SKIC2: variants seen among roughly 807,000 people sequenced by gnomAD.
SKIC2 encodes SKI2 subunit of superkiller complex, also known as superkiller complex protein 2.
At chr6:31,967,015 G>C in the SKIC2 span, 1 of 1,613,022 alleles carries the variant, frequency 6.2e-7, no homozygotes, top group Non-Finnish European at 8.5e-7. The surrounding 1 kb of genome is among the most constrained non-coding windows in gnomAD (Gnocchi z 4.9). Context: ...CCCATGAACA[G>C]GCCCTGGCTG....
the SKIC2 span, chr6:31,966,772 C>G: frequency 6.2e-7 from 1 of 1,614,090 alleles, no homozygotes; most frequent in Non-Finnish European, 8.5e-7. This position sits in a 1 kb window ranked among gnomAD's most constrained non-coding sequence, Gnocchi z 5.9. Flanking sequence ...CAACTTGCTG[C>G]GAGTGGATGC....
the SKIC2 span, chr6:31,969,675 G>A: frequency 1.7e-5 from 27 of 1,606,774 alleles, no homozygotes; most frequent in African/African-American, 2.3e-4. The surrounding 1 kb of genome is among the most constrained non-coding windows in gnomAD (Gnocchi z 6.1). Flanking sequence ...ACCTTGCTAC[G>A]GCGGGACATC....
the SKIC2 span, chr6:31,960,447 A>G: frequency 1.9e-6 from 3 of 1,614,048 alleles, no homozygotes; most frequent in Non-Finnish European, 2.5e-6. Context: ...GCTGGAGAAC[A>G]CAAATCTCTC....
the SKIC2 span, chr6:31,968,902 C>T: frequency 0.14 from 230,429 of 1,612,372 alleles, 19,202 homozygotes; most frequent in African/African-American, 0.34. The surrounding 1 kb of genome is among the most constrained non-coding windows in gnomAD (Gnocchi z 6.1). Context: ...GTGGACGAGG[C>T]GGGCACTGTG....
At chr6:31,962,132 T>C in the SKIC2 span, 1 of 1,422,818 alleles carries the variant, frequency 7.0e-7, no homozygotes, top group Middle Eastern at 1.9e-4. This position sits in a 1 kb window ranked among gnomAD's most constrained non-coding sequence, Gnocchi z 5.0. Context: ...TCTCATCTCT[T>C]CCCCCACCTC....
At chr6:31,965,768 TCTC>T in the SKIC2 span, 10 of 1,524,764 alleles carry the variant, frequency 6.6e-6, no homozygotes, top group African/African-American at 9.6e-5. The surrounding 1 kb of genome is among the most constrained non-coding windows in gnomAD (Gnocchi z 5.6). Context: ...TCCTTTCTGT[TCTC>T]CTCTGTCCCA....
At chr6:31,961,873 C>T in the SKIC2 span, 1 of 1,609,548 alleles carries the variant, frequency 6.2e-7, no homozygotes. Context: ...GGCCCCGCTC[C>T]TTTCTTCAGC....
At chr6:31,966,055 C>T in the SKIC2 span, 12 of 1,277,808 alleles carry the variant, frequency 9.4e-6, no homozygotes, top group Admixed American at 2.6e-4. This position sits in a 1 kb window ranked among gnomAD's most constrained non-coding sequence, Gnocchi z 5.9. Flanking sequence ...AGCTCCAGGA[C>T]CTTGCTGGAT....
At chr6:31,965,811 T>G in the SKIC2 span, 1 of 1,611,996 alleles carries the variant, frequency 6.2e-7, no homozygotes, top group Non-Finnish European at 8.5e-7. The surrounding 1 kb of genome is among the most constrained non-coding windows in gnomAD (Gnocchi z 5.6). Context: ...ACCTTTGCCA[T>G]GGGAGTAAAC....
At chr6:31,964,748 T>C in the SKIC2 span, among the ~76,000 whole-genome samples, 1 of 152,096 alleles carries the variant, frequency 6.6e-6, no homozygotes, top group Non-Finnish European at 1.5e-5. This position sits in a 1 kb window ranked among gnomAD's most constrained non-coding sequence, Gnocchi z 5.0. Context: ...GCCAGAGATA[T>C]AGGAGGTTGT....
At chr6:31,959,424 T>C in the SKIC2 span, 2 of 1,533,644 alleles carry the variant, frequency 1.3e-6, no homozygotes, top group African/African-American at 1.4e-5. Context: ...GACCCTAACC[T>C]TTGACCCGCA....
chr6:31,965,487 C>T, the SKIC2 span, among the ~76,000 whole-genome samples: 3 of 152,076 alleles, frequency 2.0e-5, no homozygotes, highest in African/African-American at 7.2e-5. The surrounding 1 kb of genome is among the most constrained non-coding windows in gnomAD (Gnocchi z 5.6). Context: ...AAGACATGTT[C>T]TATAAGATCA....
chr6:31,965,989 G>A, the SKIC2 span: 5 of 1,606,338 alleles, frequency 3.1e-6, no homozygotes, highest in South Asian at 1.1e-5. This position sits in a 1 kb window ranked among gnomAD's most constrained non-coding sequence, Gnocchi z 5.6. Context: ...TGCCCGAGAT[G>A]GCAGACCTGC....
chr6:31,968,470 C>G, the SKIC2 span: 1 of 1,612,996 alleles, frequency 6.2e-7, no homozygotes, highest in Non-Finnish European at 8.5e-7. The surrounding 1 kb of genome is among the most constrained non-coding windows in gnomAD (Gnocchi z 6.1). Context: ...GGGTGGGCTC[C>G]GGGCCCGGAA....
At chr6:31,964,639 TA>T in the SKIC2 span, among the ~76,000 whole-genome samples, 1 of 152,360 alleles carries the variant, frequency 6.6e-6, no homozygotes, top group South Asian at 2.1e-4. The surrounding 1 kb of genome is among the most constrained non-coding windows in gnomAD (Gnocchi z 5.0). Context: ...TTCGAAAAGT[TA>T]TTAGTAATCA....
At chr6:31,959,252 A>T in the SKIC2 span, 2 of 1,608,614 alleles carry the variant, frequency 1.2e-6, no homozygotes, top group Non-Finnish European at 1.7e-6. Flanking sequence ...GGAGTAGCCG[A>T]TATGGAATGA....
chr6:31,963,937 C>T, the SKIC2 span: 1 of 1,611,714 alleles, frequency 6.2e-7, no homozygotes, highest in South Asian at 1.1e-5. This position sits in a 1 kb window ranked among gnomAD's most constrained non-coding sequence, Gnocchi z 5.3. Flanking sequence ...CCTGTCCCTC[C>T]TGGCCTCCCT....
the SKIC2 span, chr6:31,968,849 A>T: frequency 1.2e-6 from 2 of 1,611,278 alleles, no homozygotes; most frequent in South Asian, 2.2e-5. This position sits in a 1 kb window ranked among gnomAD's most constrained non-coding sequence, Gnocchi z 6.1. Flanking sequence ...AGTGTGTCCA[A>T]TGCCCACCCT....
At chr6:31,967,682 C>G in the SKIC2 span, 1 of 1,608,322 alleles carries the variant, frequency 6.2e-7, no homozygotes, top group Non-Finnish European at 8.5e-7. This position sits in a 1 kb window ranked among gnomAD's most constrained non-coding sequence, Gnocchi z 4.9. Flanking sequence ...ACTCATCACA[C>G]CCCCCTCTCC....
Sources: allele counts gnomAD v4.1 joint callset (sites outside exome capture counted in the v4.1 genomes callset), GRCh38; gene constraint gnomAD v4.1.1; non-coding constraint Gnocchi (gnomAD v3.1); transcripts MANE v1.5; gene names NCBI Gene and HGNC (gene_info 2026-07-23, HGNC 2026-07-21).